URB1: variants seen among roughly 807,000 people sequenced by gnomAD.
URB1 encodes URB1 ribosome biogenesis factor.
A neutral mutation model predicts 242.3 loss-of-function variants in URB1; 197 were observed. That is an observed-to-expected ratio of 0.81 (90% CI 0.72 to 0.91). The LOEUF is 0.91. URB1 is among the 40% of genes least tolerant of loss of function. The pLI is 0.00. For synonymous variants in URB1, 1,153 were observed against 1,201.8 expected (o/e 0.96, Z 0.84); for missense variants, 2,721 against 2,860.5 (o/e 0.95, Z 1.11).
At chr21:32,351,552 G>A (rs1248997838) in intron 19 of URB1, among the ~76,000 whole-genome samples, 1 of 152,150 alleles carries the variant, frequency 6.6e-6, no homozygotes, top group African/African-American at 2.4e-5. Flanking sequence ...GGTTGTCAGT[G>A]TTCCCCAGGC....
intron 28 of URB1, among the ~76,000 whole-genome samples, chr21:32,336,692 CAAA>C (rs201813562): frequency 2.0e-5 from 3 of 150,528 alleles, no homozygotes; most frequent in African/African-American, 7.3e-5. Flanking sequence ...CACATACAGA[CAAA>C]AAAAAAGAGA....
Position 32,347,087 on chromosome 21 carries a change from A to C in URB1, c.3737T>G (p.Leu1246Arg). 1.3e-6 allele frequency: 2 copies of C among 1,550,560 alleles called. No homozygotes were observed. The highest frequency in any genetic ancestry group is 1.7e-6 in the Non-Finnish European group (2 of 1,146,690). The change falls in exon 22 of 39, where the codon CTG (leucine) becomes CGG (arginine). Residue 1246 changes from leucine to arginine, a missense_variant. Coordinates refer to ENST00000382751, the MANE Select transcript of URB1 (RefSeq NM_014825.3). The part of the protein sequence containing the change: ...LLLQESCTHL[L>R]WFEQWCLQAG... ...CTGCAGGCACCACTGCTCGAACCAC[A>C]GCAAGTGGGTGCAGCTCTCCTGGAG... is the stretch of plus-strand genomic sequence containing the variant.
intron 8 of URB1, among the ~76,000 whole-genome samples, chr21:32,371,996 T>C (rs529432267): frequency 3.3e-5 from 5 of 152,234 alleles, no homozygotes; most frequent in East Asian, 1.9e-4. Context: ...CCGTGACTCA[T>C]GGGCAGCCTG....
intron 7 of URB1, among the ~76,000 whole-genome samples, chr21:32,373,195 T>C (rs2033424239): frequency 6.6e-6 from 1 of 152,152 alleles, no homozygotes; most frequent in East Asian, 1.9e-4. Context: ...AAATTATATA[T>C]GTCAGTAGGT....
In URB1 at chr21:32,347,253, G is replaced by C; in HGVS notation, c.3571C>G (p.Leu1191Val). ...ACTGTGTCCAGCTCGTCCACTGCTA[G>C]CGTGGGCAGCAGAGCCCCCAGGCCT... ...VRGLGALLPT[L>V]AVDELDTVLL... The change falls in exon 22 of 39, where the codon CTA (leucine) becomes GTA (valine). Residue 1191 changes from leucine to valine, a missense_variant. Physicochemically the swap from Leu to Val is conservative, Grantham distance 32. Transcript: ENST00000382751. 1 of 1,550,946 alleles carries C rather than the reference G, an allele frequency of 6.4e-7. No homozygotes were observed.
At chr21:32,375,779 C>T (rs1298341270) in intron 5 of URB1, among the ~76,000 whole-genome samples, 1 of 149,800 alleles carries the variant, frequency 6.7e-6, no homozygotes, top group Non-Finnish European at 1.5e-5. Flanking sequence ...ACCCTGTCTC[C>T]AAAAAAAAAT....
chr21:32,389,252 G>C (rs2033614259), intron 1 of URB1, among the ~76,000 whole-genome samples: 1 of 152,192 alleles, frequency 6.6e-6, no homozygotes, highest in Non-Finnish European at 1.5e-5. Flanking sequence ...CCAGGTGAGT[G>C]GGGAGGGGTG....
chr21:32,340,914 G>T (rs1969055539), intron 25 of URB1, among the ~76,000 whole-genome samples: 1 of 151,856 alleles, frequency 6.6e-6, no homozygotes, highest in African/African-American at 2.4e-5. Flanking sequence ...TTCTACAGCA[G>T]TAAAAATGAA....
chr21:32,344,661 C>T lies in URB1; in HGVS notation c.4166G>A (p.Trp1389Ter). 1 of 1,552,366 alleles carries T rather than the reference C, an allele frequency of 6.4e-7. No homozygotes were observed. Among genetic ancestry groups the T allele is most frequent in the Admixed American group, 2.0e-5 (1 of 51,008 alleles). Reference protein sequence around the residue: ...RRTLLESCVKWLIVSFSGGQQ... With the variant: ...RRTLLESCVK ...TCCACCACTGAAAGACACGATCAGC[C>T]ACTTCACACAGGACTCCAAAAGGGT... The change falls in exon 24 of 39, where the codon TGG becomes TAG. Residue 1389 changes from tryptophan (W) to a stop codon, truncating the protein, a stop_gained. Transcript: ENST00000382751. LOFTEE classifies it high-confidence loss of function.
chr21:32,311,613 C>A lies in URB1; in HGVS notation c.*3305G>T. On this transcript the variant is annotated 3_prime_UTR_variant, in exon 39 of 39. Transcript: ENST00000382751. ...GCAGATGGCAGGTGTGGCAGGAAAC[C>A]CCCCAGCCCCACAGTATGGACTGTT... 1 of 1,554,130 alleles carries A rather than the reference C, an allele frequency of 6.4e-7. No individual in the cohort carries two copies. Among genetic ancestry groups the A allele is most frequent in the Non-Finnish European group, 8.7e-7 (1 of 1,151,952 alleles).
At chr21:32,366,796 A>C in intron 9 of URB1, 41 bp from the exon 10 acceptor site, 1 of 1,545,762 alleles carries the variant, frequency 6.5e-7, no homozygotes, top group South Asian at 1.2e-5. Flanking sequence ...TGCTAGAAGT[A>C]AGTTTCAAAC....
intron 24 of URB1, among the ~76,000 whole-genome samples, chr21:32,343,128 G>A (rs1342763293): frequency 6.6e-6 from 1 of 151,716 alleles, no homozygotes; most frequent in Non-Finnish European, 1.5e-5. Context: ...TATATAACAA[G>A]GTTTCTACAG....
intron 1 of URB1, among the ~76,000 whole-genome samples, chr21:32,392,255 G>T (rs2033647666): frequency 6.6e-6 from 1 of 152,190 alleles, no homozygotes; most frequent in Non-Finnish European, 1.5e-5. Context: ...TATAGAGTCG[G>T]CTACATCTCA....
chr21:32,317,582 A>T lies in URB1; in HGVS notation c.6034+94T>A, dbSNP rs2123539547. ...CATCTCTGAGCCTCATTAGCTTTGG[A>T]AATGTGGCTGAGAGACAGAGAGAGA... On this transcript the variant is annotated intron_variant, in intron 37 of 38. Transcript: ENST00000382751. 1.0e-5 allele frequency: 15 copies of T among 1,479,646 alleles called. No individual in the cohort carries two copies. In the South Asian group the frequency reaches 2.0e-4, roughly 20 times the overall value. The allele number at this position is 1,479,646 out of a possible 1,614,324, so 91.7% of individuals were successfully genotyped here.
At chr21:32,340,009 AG>A (rs1473951379) in intron 25 of URB1, among the ~76,000 whole-genome samples, 1 of 152,164 alleles carries the variant, frequency 6.6e-6, no homozygotes, top group Non-Finnish European at 1.5e-5. Context: ...AAACCCACTA[AG>A]GAAAGGAAAG....
intron 3 of URB1, 47 bp downstream of exon 3, chr21:32,384,265 AC>A (rs1348530364): frequency 1.3e-6 from 2 of 1,531,898 alleles, no homozygotes; most frequent in Non-Finnish European, 1.8e-6. Context: ...CTGAATGCAG[AC>A]CAAACCCAAA....
At chr21:32,346,551 C>A (rs1023268042) in intron 22 of URB1, among the ~76,000 whole-genome samples, 1 of 152,198 alleles carries the variant, frequency 6.6e-6, no homozygotes, top group Non-Finnish European at 1.5e-5. Context: ...GAGAGCTGAA[C>A]CCAGGCTGCC....
At position 32,363,119 on chromosome 21, in the gene URB1, G is replaced by T. The variant is rs1002141504; in HGVS notation, c.1509+37C>A. The T allele has an allele frequency of 5.2e-6, 8 of 1,538,640 alleles. No individual in the cohort carries two copies. The African/African-American group carries it at 5.5e-5, about 11-fold the overall frequency. On this transcript the variant is annotated intron_variant, in intron 11 of 38. Transcript: ENST00000382751. ...AGAATGGCCTTTTCCACCTGGTGAG[G>T]TCTGGAAGGAAAGCCCAAACCCAGA...
At chr21:32,318,689 T>C (rs747808293) in intron 36 of URB1, among the ~76,000 whole-genome samples, 7 of 152,190 alleles carry the variant, frequency 4.6e-5, no homozygotes, top group South Asian at 4.1e-4. Flanking sequence ...CATGGTAGAA[T>C]TGGAGGGAAA....
Sources: allele counts gnomAD v4.1 joint callset (sites outside exome capture counted in the v4.1 genomes callset), GRCh38; gene constraint gnomAD v4.1.1; transcripts MANE v1.5; gene names NCBI Gene and HGNC (gene_info 2026-07-23, HGNC 2026-07-21).